The following GPC5 variants were observed in gnomAD, a reference collection of about 807,000 sequenced individuals.
GPC5 encodes the protein glypican-5.
A neutral mutation model predicts 53.9 loss-of-function variants in GPC5; 47 were observed. The ratio of observed to expected loss-of-function variants is 0.87; its 90% CI spans 0.69 to 1.11. GPC5 has a LOEUF of 1.11. GPC5 is among the 50% of genes most tolerant of loss of function. The pLI is 0.00. For missense variants in GPC5, 748 were observed against 713.1 expected (o/e 1.05, Z -0.56); for synonymous variants, 286 against 263.3 (o/e 1.09, Z -0.84).
chr13:91,586,011 C>A, intron 2 of GPC5, among the ~76,000 whole-genome samples: 1 of 100,160 alleles, frequency 1.0e-5, no homozygotes. Context: ...CCCCCACCCC[C>A]CACCCCACTG....
At chr13:92,385,313 TATATATAC>T (rs1302611286) in intron 7 of GPC5, among the ~76,000 whole-genome samples, 1,527 of 140,078 alleles carry the variant, frequency 0.011, 50 homozygotes, top group African/African-American at 0.038. Flanking sequence ...GCACTTCCTA[TATATATAC>T]ATATATACAT....
At chr13:91,901,063 G>A (rs1222616773) in intron 5 of GPC5, among the ~76,000 whole-genome samples, 1 of 151,780 alleles carries the variant, frequency 6.6e-6, no homozygotes, top group Non-Finnish European at 1.5e-5. Context: ...TTTCAGGTTG[G>A]TTGCTGTACA....
intron 5 of GPC5, among the ~76,000 whole-genome samples, chr13:91,825,112 A>T (rs1159821081): frequency 6.6e-6 from 1 of 151,620 alleles, no homozygotes; most frequent in East Asian, 1.9e-4. Context: ...TTCCAGAGAG[A>T]GAGAGAGAGG....
intron 6 of GPC5, among the ~76,000 whole-genome samples, chr13:91,975,082 A>G (rs1162207917): frequency 6.6e-5 from 10 of 152,242 alleles, no homozygotes; most frequent in Admixed American, 5.9e-4. Context: ...GAAAGATGAA[A>G]CTGGATCCCT....
At chr13:92,600,472 TC>T (rs1203737494) in intron 7 of GPC5, among the ~76,000 whole-genome samples, 1 of 151,986 alleles carries the variant, frequency 6.6e-6, no homozygotes. Flanking sequence ...TGTTTTTTTT[TC>T]TTTTCAATTC....
intron 7 of GPC5, among the ~76,000 whole-genome samples, chr13:92,341,507 TAA>T (rs1289316304): frequency 6.6e-6 from 1 of 152,136 alleles, no homozygotes; most frequent in African/African-American, 2.4e-5. Flanking sequence ...AGTAATGCTA[TAA>T]GAGTTTTAGA....
rs1289193836 is a variant in GPC5, at chr13:92,728,086, AC to A, written c.1562-138194del. 7.3e-5 allele frequency among the ~76,000 whole-genome samples: 11 copies of A among 151,520 alleles called. No homozygotes were observed. In the Admixed American group the frequency reaches 7.3e-4, roughly 10 times the overall value. ...AGAACTACAATGTTTCTAAGAAAGT[AC>A]CATAGAATGACAAAAAAATTTCACC... On this transcript the variant is annotated intron_variant, in intron 7 of 7. Transcript: ENST00000377067.
intron 6 of GPC5, among the ~76,000 whole-genome samples, chr13:92,066,622 G>A (rs573900962): frequency 2.0e-5 from 3 of 152,102 alleles, no homozygotes; most frequent in South Asian, 2.1e-4. Flanking sequence ...CCTGGTAGAC[G>A]TGCAAGAGCT....
Position 91,398,683 on chromosome 13 carries a change from CGGCAG to C in GPC5, c.-363_-359del. On this transcript the variant is annotated 5_prime_UTR_variant, in exon 1 of 8. Transcript: ENST00000377067. ...GAGGCGGCGGCGGCGGCGGCAGTGG[CGGCAG>C]TGGCGGCAGTGGCGGCAGCGGCAGC... 1 of 222,058 alleles carries C rather than the reference CGGCAG, an allele frequency of 4.5e-6. No homozygotes were observed. Among genetic ancestry groups the C allele is most frequent in the South Asian group, 1.2e-4 (1 of 8,604 alleles). 13.8% of individuals were successfully genotyped at this position (222,058 alleles called of 1,614,324 possible). A position where few individuals can be genotyped will look rare whatever the true frequency, so the allele number is the denominator to read the frequency against.
intron 6 of GPC5, among the ~76,000 whole-genome samples, chr13:91,954,552 G>A (rs1018680422): frequency 1.2e-5 from 1 of 85,962 alleles, no homozygotes; most frequent in African/African-American, 5.9e-5. Context: ...TAACTTCCAC[G>A]TATAAAAATT....
At chr13:92,441,075 G>GT (rs1264654275) in intron 7 of GPC5, among the ~76,000 whole-genome samples, 113 of 150,966 alleles carry the variant, frequency 7.5e-4, no homozygotes, top group Admixed American at 2.0e-3. Flanking sequence ...CTCATTTATC[G>GT]TTTTTTTTTC....
intron 7 of GPC5, among the ~76,000 whole-genome samples, chr13:92,229,686 C>T (rs557594314): frequency 3.3e-4 from 50 of 152,066 alleles, no homozygotes; most frequent in East Asian, 7.7e-4. Flanking sequence ...ATAATTCAGC[C>T]GAAACCACAT....
chr13:91,885,028 G>A (rs187152591), intron 5 of GPC5, among the ~76,000 whole-genome samples: 401 of 151,970 alleles, frequency 2.6e-3, no homozygotes, highest in African/African-American at 9.0e-3. Flanking sequence ...ATACTATTGT[G>A]GTAAATAATC....
At chr13:92,082,427 G>A (rs1314549450) in intron 6 of GPC5, among the ~76,000 whole-genome samples, 2 of 152,130 alleles carry the variant, frequency 1.3e-5, no homozygotes, top group Non-Finnish European at 2.9e-5. Flanking sequence ...ATAATACCCA[G>A]AGGAGTGACA....
At chr13:92,744,958 T>C (rs1031089152) in intron 7 of GPC5, among the ~76,000 whole-genome samples, 15 of 152,074 alleles carry the variant, frequency 9.9e-5, no homozygotes, top group African/African-American at 3.6e-4. Context: ...GTACTGCAAG[T>C]TACCTGAGAC....
At chr13:92,076,519 T>C (rs2041253485) in intron 6 of GPC5, among the ~76,000 whole-genome samples, 1 of 152,114 alleles carries the variant, frequency 6.6e-6, no homozygotes, top group Non-Finnish European at 1.5e-5. Context: ...ATAAATAAAA[T>C]TGGTAGCTCA....
rs902725961 is a variant in GPC5 at position 92,381,918 on chromosome 13, AATC to A, written c.1561+236932_1561+236934del. Among the ~76,000 whole-genome samples, 38 of 45,060 alleles carry A rather than the reference AATC, an allele frequency of 8.4e-4. 1 individual carries two copies. The highest frequency in any genetic ancestry group is 2.8e-3 in the African/African-American group (36 of 12,778). 29.6% of individuals were successfully genotyped at this position (45,060 alleles called of 152,430 possible). Reference sequence around the variant, plus strand: ...ATATAATCATATATATGATATATATAATCATATATATGATTATATATGAAATAA... The same window carrying A: ...ATATAATCATATATATGATATATATAATATATATGATTATATATGAAATAA... On this transcript the variant is annotated intron_variant, in intron 7 of 7. Transcript: ENST00000377067.
chr13:92,708,708 C>A (rs536739397), intron 7 of GPC5, among the ~76,000 whole-genome samples: 13 of 151,722 alleles, frequency 8.6e-5, no homozygotes, highest in Non-Finnish European at 1.9e-4. Context: ...AGAGACAATA[C>A]GTAAGGTTGG....
chr13:91,432,666 A>AT (rs1340097745), intron 1 of GPC5, among the ~76,000 whole-genome samples: 1 of 152,064 alleles, frequency 6.6e-6, no homozygotes, highest in Admixed American at 6.6e-5. Context: ...TACTTTTCTG[A>AT]TTTTTTTCAT....
Sources: allele counts gnomAD v4.1 joint callset (sites outside exome capture counted in the v4.1 genomes callset), GRCh38; gene constraint gnomAD v4.1.1; transcripts MANE v1.5; gene names NCBI Gene and HGNC (gene_info 2026-07-23, HGNC 2026-07-21).